ROBO1: variants seen among roughly 807,000 people sequenced by gnomAD.
The protein encoded by ROBO1 is roundabout homolog 1.
A neutral mutation model predicts 195.9 loss-of-function variants in ROBO1; 149 were observed. That is an observed-to-expected ratio of 0.76 (90% CI 0.67 to 0.87). The LOEUF is 0.87. Ranked by LOEUF, ROBO1 falls within the 40% of genes least tolerant of loss-of-function variation. ROBO1 has a pLI of 0.00. For missense variants in ROBO1, 1,933 were observed against 2,068.3 expected (o/e 0.93, Z 1.27); for synonymous variants, 816 against 733.2 (o/e 1.11, Z -1.82).
intron 1 of ROBO1, among the ~76,000 whole-genome samples, chr3:79,641,255 C>G (rs932100423): frequency 5.3e-5 from 8 of 152,080 alleles, no homozygotes; most frequent in Non-Finnish European, 1.0e-4. Flanking sequence ...TTTTACTAAT[C>G]AAAATCTGAT....
chr3:79,615,089 C>G (rs1944778467), intron 1 of ROBO1, among the ~76,000 whole-genome samples: 2 of 152,048 alleles, frequency 1.3e-5, no homozygotes, highest in African/African-American at 4.8e-5. Flanking sequence ...TCAAACATCT[C>G]TCATTATATC....
intron 2 of ROBO1, among the ~76,000 whole-genome samples, chr3:79,535,876 C>T (rs983626417): frequency 6.6e-6 from 1 of 151,976 alleles, no homozygotes; most frequent in African/African-American, 2.4e-5. Context: ...GGATTTTCTT[C>T]AAGAGGTTTT....
intron 4 of ROBO1, among the ~76,000 whole-genome samples, chr3:78,930,544 G>A (rs1576418246): frequency 6.6e-6 from 1 of 152,274 alleles, no homozygotes; most frequent in East Asian, 1.9e-4. Flanking sequence ...ATACCAAACC[G>A]CTATAAGCCA....
At chr3:78,819,713 G>A (rs2030658006) in intron 4 of ROBO1, among the ~76,000 whole-genome samples, 2 of 152,134 alleles carry the variant, frequency 1.3e-5, no homozygotes, top group South Asian at 4.1e-4. Context: ...GATAAGGCAA[G>A]GCCTTCTACC....
In ROBO1 at chr3:79,461,206, C is replaced by T. The variant is rs542117211; in HGVS notation, c.88+128618G>A. Among the ~76,000 whole-genome samples, 3 of 152,170 alleles carry T rather than the reference C, an allele frequency of 2.0e-5. No individual in the cohort carries two copies. In the South Asian group the frequency reaches 6.2e-4, roughly 32 times the overall value. On this transcript the variant is annotated intron_variant, in intron 2 of 30. Coordinates refer to ENST00000464233, the MANE Select transcript of ROBO1 (RefSeq NM_002941.4). The stretch of plus-strand genomic sequence containing the variant: ...ATAATTTGGTGGACTCATAGGGTCA[C>T]ATTCTTTGACACTCTAAGAGAAGAA...
chr3:79,117,716 T>A (rs2080033917), intron 3 of ROBO1, among the ~76,000 whole-genome samples: 1 of 152,214 alleles, frequency 6.6e-6, no homozygotes, highest in African/African-American at 2.4e-5. Context: ...AAAGTAACAG[T>A]AAAATGTTTT....
At chr3:78,753,443 G>C (rs1368073130) in intron 4 of ROBO1, among the ~76,000 whole-genome samples, 1 of 152,124 alleles carries the variant, frequency 6.6e-6, no homozygotes, top group African/African-American at 2.4e-5. Flanking sequence ...ACAAAGAGAA[G>C]GTAAGTTTGG....
At chr3:79,740,402 A>G (rs1431330787) in intron 1 of ROBO1, among the ~76,000 whole-genome samples, 4 of 151,856 alleles carry the variant, frequency 2.6e-5, no homozygotes, top group Non-Finnish European at 5.9e-5. Flanking sequence ...TTACTGGAAA[A>G]CTGTATTGGT....
At chr3:78,735,021 A>C (rs2082363096) in intron 5 of ROBO1, among the ~76,000 whole-genome samples, 1 of 152,212 alleles carries the variant, frequency 6.6e-6, no homozygotes, top group Non-Finnish European at 1.5e-5. Context: ...ATAAAGGTAT[A>C]TATCTTACAC....
At chr3:78,796,889 G>C (rs1378215453) in intron 4 of ROBO1, among the ~76,000 whole-genome samples, 2 of 152,186 alleles carry the variant, frequency 1.3e-5, no homozygotes, top group East Asian at 3.9e-4. Context: ...ATCTCCTTCA[G>C]AAAAAAGTTA....
At chr3:79,383,025 A>G (rs2036624658) in intron 2 of ROBO1, among the ~76,000 whole-genome samples, 1 of 152,142 alleles carries the variant, frequency 6.6e-6, no homozygotes, top group South Asian at 2.1e-4. Flanking sequence ...ACTATGGAAG[A>G]TATGATTCAC....
chr3:78,758,007 C>T (rs940998784), intron 4 of ROBO1, among the ~76,000 whole-genome samples: 3 of 152,132 alleles, frequency 2.0e-5, no homozygotes, highest in African/African-American at 7.2e-5. Flanking sequence ...TGTGTAGCTG[C>T]GTGAGCTGTG....
chr3:78,609,235 T>A (rs1338587657), intron 28 of ROBO1, among the ~76,000 whole-genome samples: 1 of 151,674 alleles, frequency 6.6e-6, no homozygotes, highest in Non-Finnish European at 1.5e-5. Context: ...TCAGTAGGAG[T>A]TTAAACTTGA....
At chr3:79,128,830 T>C (rs2080268066) in intron 2 of ROBO1, among the ~76,000 whole-genome samples, 1 of 152,144 alleles carries the variant, frequency 6.6e-6, no homozygotes, top group South Asian at 2.1e-4. Flanking sequence ...TAAAAAATCT[T>C]TTTTCTAGAT....
chr3:79,595,891 T>A (rs1944154587), intron 1 of ROBO1, among the ~76,000 whole-genome samples: 1 of 151,878 alleles, frequency 6.6e-6, no homozygotes, highest in South Asian at 2.1e-4. Context: ...CCGTGGCTTG[T>A]AGAGTAAATT....
intron 2 of ROBO1, among the ~76,000 whole-genome samples, chr3:79,335,335 T>C (rs1246140663): frequency 6.6e-6 from 1 of 152,100 alleles, no homozygotes; most frequent in Non-Finnish European, 1.5e-5. Flanking sequence ...ATAAAGTATC[T>C]AGGAATGGTG....
chr3:78,771,832 AAGAG>A (rs2083383522), intron 4 of ROBO1, among the ~76,000 whole-genome samples: 1 of 152,072 alleles, frequency 6.6e-6, no homozygotes, highest in South Asian at 2.1e-4. Context: ...ATCATCCGTG[AAGAG>A]AGATAGTTTG....
At chr3:78,673,104 A>AGTAGC (rs1459674295) in intron 10 of ROBO1, among the ~76,000 whole-genome samples, 10 of 152,088 alleles carry the variant, frequency 6.6e-5, no homozygotes, top group African/African-American at 2.4e-4. Flanking sequence ...CCATATGGTA[A>AGTAGC]GTAGCTACCT....
In ROBO1 at chr3:78,799,092, T is replaced by C. The variant is rs73115188; in HGVS notation, c.500-52192A>G. ...ATATAGTGGGTTCCAATGATGGTCC[T>C]GGAATTCTTCTCTTTGATTGCTACA... On this transcript the variant is annotated intron_variant, in intron 4 of 30. Coordinates refer to ENST00000464233, the MANE Select transcript of ROBO1 (RefSeq NM_002941.4). Among the ~76,000 whole-genome samples, 914 of 152,304 alleles carry C rather than the reference T, an allele frequency of 6.0e-3. 4 individuals carry two copies. The highest frequency in any genetic ancestry group is 9.5e-3 in the Non-Finnish European group (646 of 68,014).
Sources: gnomAD v4.1 joint callset for allele counts (sites outside exome capture counted in the v4.1 genomes callset) on GRCh38, gnomAD v4.1.1 for gene constraint, MANE v1.5 for transcripts, NCBI Gene and HGNC (gene_info 2026-07-23, HGNC 2026-07-21) for gene names.